ABI1: variants seen among roughly 807,000 people sequenced by gnomAD.
The protein encoded by ABI1 is abl interactor 1, also known as Abelson interactor 1.
In ABI1, 14 loss-of-function variants were observed where a neutral mutation model predicts 54.6. The observed-to-expected ratio is 0.26, with a 90% CI of 0.17 to 0.40. ABI1 has a LOEUF of 0.40. ABI1 is among the 10% of genes least tolerant of loss of function. The pLI is 1.00. For synonymous variants in ABI1, 194 were observed against 209.3 expected, an observed-to-expected ratio of 0.93 and a Z score of 0.63; for missense variants, 443 against 598.3, an observed-to-expected ratio of 0.74 and a Z score of 2.71.
chr10:26,835,745 T>G (rs912280164), intron 1 of ABI1, among the ~76,000 whole-genome samples: 1 of 151,542 alleles, frequency 6.6e-6, no homozygotes, highest in African/African-American at 2.4e-5. Context: ...TCAACAACCA[T>G]TACTTGAAGG....
At chr10:26,817,737 G>A (rs1397962358) in intron 2 of ABI1, among the ~76,000 whole-genome samples, 6 of 152,092 alleles carry the variant, frequency 3.9e-5, no homozygotes, top group African/African-American at 1.2e-4. Context: ...ATAATAAACA[G>A]GGATAAAAAG....
intron 8 of ABI1, among the ~76,000 whole-genome samples, chr10:26,758,084 A>C (rs1019154746): frequency 3.3e-5 from 5 of 151,616 alleles, no homozygotes; most frequent in South Asian, 2.1e-4. Flanking sequence ...AAAAAAAAAA[A>C]AAAAAAAAAA....
intron 1 of ABI1, among the ~76,000 whole-genome samples, chr10:26,857,556 A>T (rs2050926194): frequency 6.7e-6 from 1 of 150,216 alleles, no homozygotes; most frequent in South Asian, 2.1e-4. Context: ...AGGTGGGAGG[A>T]TCTCCAGAGC....
chr10:26,793,727 T>G (rs1430805446), intron 2 of ABI1, among the ~76,000 whole-genome samples: 3 of 152,222 alleles, frequency 2.0e-5, no homozygotes, highest in Non-Finnish European at 4.4e-5. Context: ...CTAAGCTAAA[T>G]ATGAGCTTTT....
At chr10:26,836,870 T>C (rs2049116933) in intron 1 of ABI1, among the ~76,000 whole-genome samples, 2 of 152,196 alleles carry the variant, frequency 1.3e-5, no homozygotes. Context: ...CCTAAATGAT[T>C]TAACTTTTAT....
intron 2 of ABI1, among the ~76,000 whole-genome samples, chr10:26,788,502 T>C (rs1842983287): frequency 6.6e-6 from 1 of 152,230 alleles, no homozygotes; most frequent in Non-Finnish European, 1.5e-5. Context: ...AACATGAATG[T>C]AACACATTAT....
rs11015269 is a variant in ABI1, at chr10:26,759,708, G to A, written c.821-470C>T. 7.3e-4 allele frequency among the ~76,000 whole-genome samples: 111 copies of A among 151,924 alleles called. 1 individual carries two copies. The highest frequency in any genetic ancestry group is 2.5e-3 in the African/African-American group (104 of 41,492). ...AACTTTCAGAATTTTGATTTGGCTA[G>A]ATAGAGTCTTATAATGATAAGTCTC... On this transcript the variant is annotated intron_variant, in intron 7 of 10. Transcript: ENST00000376140.
intron 2 of ABI1, among the ~76,000 whole-genome samples, chr10:26,805,897 C>G (rs1377786821): frequency 6.6e-6 from 1 of 152,116 alleles, no homozygotes; most frequent in Non-Finnish European, 1.5e-5. Context: ...GCAATGAAAC[C>G]AAATCAAAGG....
chr10:26,809,632 G>A (rs1388015615), intron 2 of ABI1, among the ~76,000 whole-genome samples: 2 of 151,982 alleles, frequency 1.3e-5, no homozygotes, highest in African/African-American at 4.8e-5. Context: ...TAAAAAAGGG[G>A]GGAAATATTA....
chr10:26,829,098 C>A (rs995741594), intron 1 of ABI1, among the ~76,000 whole-genome samples: 10 of 151,904 alleles, frequency 6.6e-5, no homozygotes, highest in African/African-American at 2.2e-4. Flanking sequence ...CAGTGGCAGG[C>A]GCCTGTAGTC....
intron 1 of ABI1, among the ~76,000 whole-genome samples, chr10:26,857,691 T>C (rs1589107391): frequency 6.7e-6 from 1 of 148,304 alleles, no homozygotes; most frequent in East Asian, 2.0e-4. Flanking sequence ...ATTTACCCCA[T>C]GGCAACTGTT....
chr10:26,848,588 T>C (rs1381242760), intron 1 of ABI1, among the ~76,000 whole-genome samples: 1 of 148,362 alleles, frequency 6.7e-6, no homozygotes, highest in Non-Finnish European at 1.5e-5. Context: ...TAGCACAGTA[T>C]GCAATATAAG....
At chr10:26,848,416 G>T (rs2050150449) in intron 1 of ABI1, among the ~76,000 whole-genome samples, 1 of 151,776 alleles carries the variant, frequency 6.6e-6, no homozygotes, top group Non-Finnish European at 1.5e-5. Flanking sequence ...AACCGCCTAT[G>T]AATCAAATAA....
intron 1 of ABI1, among the ~76,000 whole-genome samples, chr10:26,838,671 T>C (rs964756187): frequency 6.6e-5 from 10 of 152,208 alleles, no homozygotes; most frequent in African/African-American, 2.2e-4. Context: ...ATAAACTAGA[T>C]TGTGGAAATC....
intron 1 of ABI1, among the ~76,000 whole-genome samples, chr10:26,853,610 G>T (rs1296890193): frequency 2.0e-5 from 3 of 147,704 alleles, no homozygotes; most frequent in African/African-American, 2.5e-5. Flanking sequence ...CACAATCTCA[G>T]CTCACTGCAA....
In ABI1 at chr10:26,824,608, G is replaced by A. The variant is rs545945363; in HGVS notation, c.118-1303C>T. Among the ~76,000 whole-genome samples, 3 of 149,646 alleles carry A rather than the reference G, an allele frequency of 2.0e-5. No homozygotes were observed. In the South Asian group the frequency reaches 6.4e-4, roughly 32 times the overall value. On this transcript the variant is annotated intron_variant, in intron 1 of 10. Transcript: ENST00000376140. ...CCATGATCTCCAGAATATTGCTAAG[G>A]TGAAAAAAAAAATGTGGGAAAAAAT...
rs571025417 is a variant in ABI1, at chr10:26,774,662, A to T, written c.462+2403T>A. ...TTCATAGCATAAAATGCATTAACACAGTAAATACTATTTAAATAAAACCCA... is the reference window on the plus strand; with the variant it reads ...TTCATAGCATAAAATGCATTAACACTGTAAATACTATTTAAATAAAACCCA... On this transcript the variant is annotated intron_variant, in intron 3 of 10. Transcript: ENST00000376140. 3.9e-5 allele frequency among the ~76,000 whole-genome samples: 6 copies of T among 152,268 alleles called. No individual in the cohort carries two copies. The South Asian group carries it at 1.2e-3, about 32-fold the overall frequency.
intron 2 of ABI1, among the ~76,000 whole-genome samples, chr10:26,819,949 T>A (rs2047858108): frequency 6.6e-6 from 1 of 152,080 alleles, no homozygotes; most frequent in African/African-American, 2.4e-5. Flanking sequence ...CCCTGAATGA[T>A]CTCCCTTTTT....
At chr10:26,754,949 C>CT (rs1260506821) in intron 9 of ABI1, among the ~76,000 whole-genome samples, 2 of 146,802 alleles carry the variant, frequency 1.4e-5, no homozygotes, top group African/African-American at 5.3e-5. Flanking sequence ...TTCTCCCCCC[C>CT]CACAAAAAAA....
Sources: gnomAD v4.1 joint callset for allele counts (sites outside exome capture counted in the v4.1 genomes callset) on GRCh38, gnomAD v4.1.1 for gene constraint, MANE v1.5 for transcripts, NCBI Gene and HGNC (gene_info 2026-07-23, HGNC 2026-07-21) for gene names.